Variants in ZNF423 observed in about 807,000 individuals in gnomAD.
ZNF423 encodes the protein zinc finger protein 423, also known as Ebf-associated zinc finger protein.
In ZNF423, 12 loss-of-function variants were observed where a neutral mutation model predicts 95.8. The observed-to-expected ratio is 0.13, with a 90% CI of 0.08 to 0.20. ZNF423 has a LOEUF of 0.20. Ranked by LOEUF, ZNF423 falls within the 10% of genes least tolerant of loss-of-function variation. ZNF423 has a pLI of 1.00. For synonymous variants in ZNF423, 749 were observed against 711.9 expected, an observed-to-expected ratio of 1.05 and a Z score of -0.83; for missense variants, 1,316 against 1,737.1, an observed-to-expected ratio of 0.76 and a Z score of 4.31.
At chr16:49,631,253 C>T (rs1344531) in intron 4 of ZNF423, among the ~76,000 whole-genome samples, 61,538 of 152,014 alleles carry the variant, frequency 0.4, 12,815 homozygotes, top group African/African-American at 0.51. Context: ...CATCCCCACA[C>T]GTACCACACA....
intron 1 of ZNF423, among the ~76,000 whole-genome samples, chr16:49,823,711 G>A (rs1597043300): frequency 1.3e-5 from 2 of 152,180 alleles, no homozygotes; most frequent in East Asian, 3.8e-4. Flanking sequence ...AATCTGCGAA[G>A]TTACCGTGAT....
At chr16:49,684,235 A>AT (rs935670967) in intron 3 of ZNF423, among the ~76,000 whole-genome samples, 93 of 152,354 alleles carry the variant, frequency 6.1e-4, no homozygotes, top group African/African-American at 2.2e-3. Context: ...CACAAAAGAA[A>AT]TATCATCAGG....
chr16:49,520,052 G>T (rs2151699290), intron 7 of ZNF423, among the ~76,000 whole-genome samples: 1 of 152,286 alleles, frequency 6.6e-6, no homozygotes, highest in South Asian at 2.1e-4. Flanking sequence ...CTCCCAGCAT[G>T]CTCTAGCCCA....
chr16:49,811,684 G>A (rs1481767303), intron 1 of ZNF423, among the ~76,000 whole-genome samples: 2 of 152,112 alleles, frequency 1.3e-5, no homozygotes, highest in East Asian at 1.9e-4. Flanking sequence ...AGCCATCCCC[G>A]CAGGACTGGA....
intron 4 of ZNF423, among the ~76,000 whole-genome samples, chr16:49,632,355 T>C (rs1972534403): frequency 6.6e-6 from 1 of 152,168 alleles, no homozygotes; most frequent in African/African-American, 2.4e-5. Flanking sequence ...CATGAGTGGG[T>C]CCTCAGGGAG....
chr16:49,693,081 A>G (rs542133888), intron 3 of ZNF423, among the ~76,000 whole-genome samples: 57 of 152,390 alleles, frequency 3.7e-4, no homozygotes, highest in African/African-American at 1.3e-3. Context: ...ATAAATAAAA[A>G]GAGTGATAGC....
At chr16:49,519,315 T>C (rs886943645) in intron 7 of ZNF423, among the ~76,000 whole-genome samples, 1 of 152,236 alleles carries the variant, frequency 6.6e-6, no homozygotes, top group Non-Finnish European at 1.5e-5. Flanking sequence ...GTGGGATTAC[T>C]GGGTCTAACG....
intron 1 of ZNF423, among the ~76,000 whole-genome samples, chr16:49,830,726 C>G (rs934289103): frequency 2.0e-4 from 30 of 152,118 alleles, no homozygotes; most frequent in African/African-American, 5.6e-4. Flanking sequence ...TCCGAGGGCA[C>G]CAGCCAATGA....
intron 1 of ZNF423, among the ~76,000 whole-genome samples, chr16:49,826,046 T>C (rs918186505): frequency 6.6e-6 from 1 of 152,012 alleles, no homozygotes; most frequent in Non-Finnish European, 1.5e-5. Flanking sequence ...CCTCCATCTG[T>C]ACAAAAAATA....
At chr16:49,844,538 ACT>A in intron 1 of ZNF423, among the ~76,000 whole-genome samples, 4 of 151,950 alleles carry the variant, frequency 2.6e-5, no homozygotes, top group East Asian at 3.9e-4. Context: ...ACAAAGACTG[ACT>A]CTCACGGTGA....
chr16:49,752,727 G>T (rs2033655376), intron 2 of ZNF423, among the ~76,000 whole-genome samples: 1 of 152,204 alleles, frequency 6.6e-6, no homozygotes, highest in African/African-American at 2.4e-5. Flanking sequence ...GTGACCCTAG[G>T]TTAATTACTT....
At chr16:49,710,622 C>T (rs765537868) in intron 3 of ZNF423, among the ~76,000 whole-genome samples, 8 of 152,148 alleles carry the variant, frequency 5.3e-5, no homozygotes, top group Admixed American at 5.2e-4. Flanking sequence ...GCAGAGCAGC[C>T]GGGTGCCACT....
Position 49,491,182 on chromosome 16 carries a change from A to G in ZNF423, c.*93T>C. ...ATTAGAGTTTTACATCTGGGTTGCA[A>G]ATGACACTTTGATTGGATGTAATGT... is the stretch of plus-strand genomic sequence containing the variant. On this transcript the variant is annotated 3_prime_UTR_variant, in exon 8 of 8. Transcript: ENST00000563137. The G allele has an allele frequency of 6.6e-7, 1 of 1,510,760 alleles. No individual in the cohort carries two copies. Among genetic ancestry groups the G allele is most frequent in the East Asian group, 2.3e-5 (1 of 44,144 alleles). 93.6% of individuals were successfully genotyped at this position (1,510,760 alleles called of 1,614,324 possible).
At chr16:49,602,704 T>C (rs1364210349) in intron 5 of ZNF423, among the ~76,000 whole-genome samples, 3 of 152,128 alleles carry the variant, frequency 2.0e-5, no homozygotes, top group Non-Finnish European at 4.4e-5. Flanking sequence ...CAGGAATTGC[T>C]CCTGCCGATT....
At chr16:49,574,588 T>G (rs1032071537) in intron 5 of ZNF423, among the ~76,000 whole-genome samples, 1 of 152,148 alleles carries the variant, frequency 6.6e-6, no homozygotes, top group African/African-American at 2.4e-5. Context: ...TATCCCCATG[T>G]GGGGGACAGC....
chr16:49,578,161 C>T (rs972057024), intron 5 of ZNF423, among the ~76,000 whole-genome samples: 20 of 152,186 alleles, frequency 1.3e-4, no homozygotes, highest in African/African-American at 4.8e-4. Flanking sequence ...TAAACATCCC[C>T]CAAGACAGGA....
intron 2 of ZNF423, among the ~76,000 whole-genome samples, chr16:49,747,831 A>C (rs538184587): frequency 6.6e-6 from 1 of 152,344 alleles, no homozygotes; most frequent in Non-Finnish European, 1.5e-5. Context: ...GTGACGCAAG[A>C]GATTGTCCCC....
At chr16:49,533,401 G>A (rs1968931613) in intron 5 of ZNF423, among the ~76,000 whole-genome samples, 1 of 152,168 alleles carries the variant, frequency 6.6e-6, no homozygotes, top group African/African-American at 2.4e-5. Context: ...TGGCAAGATC[G>A]GCCATCTGGC....
intron 5 of ZNF423, among the ~76,000 whole-genome samples, chr16:49,534,721 C>T (rs1467188787): frequency 6.6e-6 from 1 of 152,284 alleles, no homozygotes; most frequent in African/African-American, 2.4e-5. Flanking sequence ...TGTTTAAAGA[C>T]CCTTAGCACC....
Sources: gnomAD v4.1 joint callset for allele counts (sites outside exome capture counted in the v4.1 genomes callset) on GRCh38, gnomAD v4.1.1 for gene constraint, MANE v1.5 for transcripts, NCBI Gene and HGNC (gene_info 2026-07-23, HGNC 2026-07-21) for gene names.